FRMD1: variants seen among roughly 807,000 people sequenced by gnomAD.
FRMD1 encodes FERM domain containing 1.
A neutral mutation model predicts 54.9 loss-of-function variants in FRMD1; 51 were observed. The ratio of observed to expected loss-of-function variants is 0.93; its 90% CI spans 0.74 to 1.17. The LOEUF (loss-of-function observed/expected upper bound fraction) is 1.17. Ranked by LOEUF, FRMD1 falls within the 50% of genes most tolerant of loss-of-function variation. The pLI is 0.00. For missense variants in FRMD1, 729 were observed against 743.0 expected, an observed-to-expected ratio of 0.98 and a Z score of 0.22; for synonymous variants, 324 against 306.4, an observed-to-expected ratio of 1.06 and a Z score of -0.60.
chr6:168,063,391 G>C (rs1474997060), intron 6 of FRMD1, among the ~76,000 whole-genome samples: 2 of 150,760 alleles, frequency 1.3e-5, no homozygotes, highest in Admixed American at 1.3e-4. Flanking sequence ...AGCCATGGGG[G>C]CTCCATCCGT....
rs752747508 is a variant in FRMD1 at position 168,079,038 on chromosome 6, C to T, written c.57G>A (p.Thr19=). The part of the protein sequence containing the change: ...GIDPARTNPD[T]FPPSGARCME... ...TACATCGCGCCCCTGAAGGAGGGAA[C>T]GTGTCAGGGTTTGTCCGGGCGGGGT... is the stretch of plus-strand genomic sequence containing the variant. The change falls in exon 1 of 11, where the codon ACG becomes ACA. Residue 19 remains threonine, a synonymous_variant. Transcript: ENST00000283309. The T allele has an allele frequency of 3.2e-5, 51 of 1,611,262 alleles. No individual in the cohort carries two copies. The highest frequency in any genetic ancestry group is 1.6e-4 in the Middle Eastern group (1 of 6,080).
intron 2 of FRMD1, among the ~76,000 whole-genome samples, chr6:168,070,739 C>G (rs1429512489): frequency 2.0e-5 from 3 of 152,002 alleles, no homozygotes; most frequent in African/African-American, 7.3e-5. Flanking sequence ...TGTATACAGA[C>G]ATACACATAC....
chr6:168,075,820 G>A, intron 1 of FRMD1: 1 of 1,547,136 alleles, frequency 6.5e-7, no homozygotes, highest in Non-Finnish European at 8.7e-7. Flanking sequence ...TAAACACCCA[G>A]CGTCTGGTGC....
At chr6:168,084,974 T>C (rs765918850), upstream of FRMD1, among the ~76,000 whole-genome samples, 2 of 152,164 alleles carry the variant, frequency 1.3e-5, no homozygotes, top group African/African-American at 4.8e-5. Flanking sequence ...CGGGACCCAC[T>C]GCAGGCCCCG....
chr6:168,065,888 T>C (rs1026922908), intron 4 of FRMD1: 3 of 1,000,236 alleles, frequency 3.0e-6, no homozygotes, highest in African/African-American at 3.5e-5. Context: ...GGGTAAACCC[T>C]GTTCACGCAC....
chr6:168,072,285 A>G (rs1181881358), intron 2 of FRMD1, among the ~76,000 whole-genome samples: 1 of 151,884 alleles, frequency 6.6e-6, no homozygotes, highest in African/African-American at 2.4e-5. Context: ...CCCACACTCC[A>G]CCCTCAGAAC....
Position 168,065,054 on chromosome 6 carries a change from G to T in FRMD1, c.465C>A (p.Asp155Glu). ...AGTAGTACAGGTGCCGTGCCCTGTGGTCGCTGGAAGGTGGCAGGGAGTGAG... is the reference window on the plus strand; with the variant it reads ...AGTAGTACAGGTGCCGTGCCCTGTGTTCGCTGGAAGGTGGCAGGGAGTGAG... ...HYVENGRVIS[D>E]HRARHLYYCH... The change falls in exon 5 of 11, where the codon GAC becomes GAA. Residue 155 changes from aspartate (D) to glutamate (E), a missense_variant. Physicochemically the swap from Asp to Glu is conservative, Grantham distance 45. Coordinates refer to ENST00000283309, the MANE Select transcript of FRMD1 (RefSeq NM_024919.6). 6.3e-7 allele frequency: 1 copy of T among 1,598,888 alleles called. No individual in the cohort carries two copies. Among genetic ancestry groups the T allele is most frequent in the Non-Finnish European group, 8.5e-7 (1 of 1,170,186 alleles).
Position 168,061,916 on chromosome 6 carries a change from C to A in FRMD1, c.936G>T (p.Gly312=). The part of the protein sequence containing the change: ...PAAQKLVYYT[G]CTWRSRHLLH... ...GCAGGTGCCTGGACCGCCAGGTGCA[C>A]CCCGTGTAGTAAACCAGCTTCTGTG... The change falls in exon 8 of 11, where the codon GGG becomes GGT. Residue 312 remains glycine (G), a synonymous_variant. Transcript: ENST00000283309. 1 of 1,599,286 alleles carries A rather than the reference C, an allele frequency of 6.3e-7. No homozygotes were observed.
upstream of FRMD1, among the ~76,000 whole-genome samples, chr6:168,082,503 G>A (rs777719723): frequency 1.3e-5 from 2 of 152,156 alleles, no homozygotes; most frequent in Non-Finnish European, 2.9e-5. Flanking sequence ...GCACTGCGAG[G>A]GCTTCTCGCC....
intron 1 of FRMD1, among the ~76,000 whole-genome samples, chr6:168,089,484 T>A (rs9346522): frequency 0.56 from 85,940 of 152,142 alleles, 24,600 homozygotes; most frequent in South Asian, 0.72. Flanking sequence ...CATGGGGAGC[T>A]GACCTCCAGG....
chr6:168,063,482 G>T, intron 6 of FRMD1, 119 bp downstream of exon 6: 3 of 1,227,530 alleles, frequency 2.4e-6, no homozygotes, highest in Non-Finnish European at 3.3e-6. Context: ...CCCACTCTTA[G>T]CCATGGGGGC....
In FRMD1 at chr6:168,079,177, C is replaced by T. The variant is rs1800756963; in HGVS notation, c.-83G>A. 5.6e-6 allele frequency: 8 copies of T among 1,438,660 alleles called. No homozygotes were observed. Among genetic ancestry groups the T allele is most frequent in the Non-Finnish European group, 7.3e-6 (8 of 1,097,116 alleles). 89.1% of individuals were successfully genotyped at this position (1,438,660 alleles called of 1,614,324 possible). On this transcript the variant is annotated 5_prime_UTR_variant, in exon 1 of 11. Transcript: ENST00000283309. ...CAGATCACAGCTGTGCTTTCCGGGA[C>T]CCGCCCTTGCCGAGCTTCTCACTGG...
chr6:168,066,180 G>A, intron 4 of FRMD1: 15 of 987,438 alleles, frequency 1.5e-5, no homozygotes, highest in Non-Finnish European at 1.8e-5. Flanking sequence ...CCACCCTAGA[G>A]AGTACGAGTC....
intron 7 of FRMD1, chr6:168,062,529 C>T (rs1389487094): frequency 1.2e-6 from 1 of 838,272 alleles, no homozygotes; most frequent in African/African-American, 1.7e-5. Context: ...GCCCGTGAGG[C>T]CAGGACGGCC....
At chr6:168,076,847 A>C (rs578241038) in intron 1 of FRMD1, among the ~76,000 whole-genome samples, 2 of 152,340 alleles carry the variant, frequency 1.3e-5, no homozygotes, top group East Asian at 3.9e-4. Flanking sequence ...CTTGACACAT[A>C]TTTGGTTGAA....
chr6:168,072,080 C>T (rs1364474949), intron 2 of FRMD1, among the ~76,000 whole-genome samples: 1 of 152,248 alleles, frequency 6.6e-6, no homozygotes, highest in African/African-American at 2.4e-5. Flanking sequence ...CCGGGGCTGC[C>T]GACTTCATGA....
In FRMD1 at chr6:168,061,922, G is replaced by A. The variant is rs1420630992; in HGVS notation, c.930C>T (p.Tyr310=). 1 of 1,600,244 alleles carries A rather than the reference G, an allele frequency of 6.2e-7. No individual in the cohort carries two copies. Among genetic ancestry groups the A allele is most frequent in the Non-Finnish European group, 8.5e-7 (1 of 1,174,634 alleles). ...GCCTGGACCGCCAGGTGCACCCCGT[G>A]TAGTAAACCAGCTTCTGTGCTGCGG... The part of the protein sequence containing the change: ...GLPAAQKLVY[Y]TGCTWRSRHL... The change falls in exon 8 of 11, where the codon TAC becomes TAT. Residue 310 remains tyrosine, a synonymous_variant. Transcript: ENST00000283309.
chr6:168,058,552 C>T (rs923934010), intron 10 of FRMD1, among the ~76,000 whole-genome samples: 15 of 13,682 alleles, frequency 1.1e-3, no homozygotes, highest in Admixed American at 2.8e-3. Context: ...GTGGTGGAGC[C>T]GGGGGCGGGG....
intron 1 of FRMD1, chr6:168,075,800 C>T (rs1800562970): frequency 1.9e-6 from 3 of 1,550,210 alleles, no homozygotes; most frequent in South Asian, 2.4e-5. Context: ...GAGCCTCTCA[C>T]GGCAGCCTCT....
Sources: allele counts gnomAD v4.1 joint callset (sites outside exome capture counted in the v4.1 genomes callset), GRCh38; gene constraint gnomAD v4.1.1; transcripts MANE v1.5; gene names NCBI Gene and HGNC (gene_info 2026-07-23, HGNC 2026-07-21).